Variants in NCKAP5 observed in about 807,000 individuals in gnomAD.
NCKAP5 encodes nck-associated protein 5.
In NCKAP5, 92 loss-of-function variants were observed where a neutral mutation model predicts 167.0. That is an observed-to-expected ratio of 0.55 (90% CI 0.47 to 0.66). The LOEUF (loss-of-function observed/expected upper bound fraction) is 0.66, where lower values mean the gene tolerates loss of function less well. NCKAP5 is among the 30% of genes least tolerant of loss of function. The pLI is 0.00. For synonymous variants in NCKAP5, 891 were observed against 877.4 expected (o/e 1.02, Z -0.27); for missense variants, 2,378 against 2,315.0 (o/e 1.03, Z -0.56).
intron 12 of NCKAP5, among the ~76,000 whole-genome samples, chr2:132,794,259 TATATAGAGAGAGAGAGAGAGAGAG>T (rs1163348300): frequency 3.2e-5 from 1 of 31,702 alleles, no homozygotes; most frequent in African/African-American, 1.1e-4. Flanking sequence ...TATATATATA[TATATAGAGAGAGAGAGAGAGAGAG>T]AGAGAGAGAG....
chr2:133,146,401 C>A lies in NCKAP5; in HGVS notation c.208-16290G>T, dbSNP rs577532981. On this transcript the variant is annotated intron_variant, in intron 5 of 19. Transcript: ENST00000409261. ...GATGACTTTGTGTTTCATGCGACTACCATTCTAGATCAATTTTAAAAAGCA... is the reference window on the plus strand; with the variant it reads ...GATGACTTTGTGTTTCATGCGACTAACATTCTAGATCAATTTTAAAAAGCA... Among the ~76,000 whole-genome samples, 6 of 152,126 alleles carry A rather than the reference C, an allele frequency of 3.9e-5. No homozygotes were observed. The South Asian group carries it at 1.2e-3, about 32-fold the overall frequency.
intron 5 of NCKAP5, among the ~76,000 whole-genome samples, chr2:133,137,744 T>G (rs994268915): frequency 6.6e-6 from 1 of 152,124 alleles, no homozygotes; most frequent in Non-Finnish European, 1.5e-5. Context: ...AAAAGCAAGA[T>G]AAAATGAAGG....
chr2:133,162,029 T>C (rs549992116), intron 5 of NCKAP5, among the ~76,000 whole-genome samples: 2 of 152,324 alleles, frequency 1.3e-5, no homozygotes, highest in Admixed American at 6.5e-5. Flanking sequence ...CAAGGAACTA[T>C]TTAAAGCAGA....
intron 3 of NCKAP5, among the ~76,000 whole-genome samples, chr2:133,457,944 G>T (rs769478861): frequency 6.6e-6 from 1 of 152,106 alleles, no homozygotes; most frequent in Non-Finnish European, 1.5e-5. Context: ...AAGTGTGTAC[G>T]CCCTTTCCCA....
At chr2:133,017,272 A>G (rs2078371189) in intron 6 of NCKAP5, among the ~76,000 whole-genome samples, 1 of 152,206 alleles carries the variant, frequency 6.6e-6, no homozygotes, top group South Asian at 2.1e-4. Flanking sequence ...TCCACCTTCG[A>G]GGCATTTATG....
In NCKAP5 at chr2:132,895,724, G is replaced by A. The variant is rs144398309; in HGVS notation, c.580-16808C>T. ...CAACACTACAAAAGAGACATCTGTT[G>A]CTAGCCCCATTTTACAGATGTGCAG... is the stretch of plus-strand genomic sequence containing the variant. On this transcript the variant is annotated intron_variant, in intron 8 of 19. Coordinates refer to ENST00000409261, the MANE Select transcript of NCKAP5 (RefSeq NM_207363.3). 3.1e-3 allele frequency among the ~76,000 whole-genome samples: 459 copies of A among 148,676 alleles called. 1 individual carries two copies. The highest frequency in any genetic ancestry group is 4.5e-3 in the Non-Finnish European group (306 of 67,550).
the NCKAP5 span, among the ~76,000 whole-genome samples, chr2:133,598,781 T>G: frequency 3.7e-3 from 566 of 152,278 alleles, 4 homozygotes; most frequent in African/African-American, 0.013. Context: ...CCATTACAAA[T>G]GACCACAGAC....
intron 2 of NCKAP5, among the ~76,000 whole-genome samples, chr2:133,523,302 A>T (rs1684624120): frequency 8.5e-6 from 1 of 117,708 alleles, no homozygotes; most frequent in African/African-American, 4.2e-5. Flanking sequence ...ACACACAGTC[A>T]CACACACACA....
At chr2:133,601,737 T>C in the NCKAP5 span, among the ~76,000 whole-genome samples, 1 of 151,946 alleles carries the variant, frequency 6.6e-6, no homozygotes, top group Non-Finnish European at 1.5e-5. Flanking sequence ...AATAAATAAA[T>C]AAATAAATAA....
chr2:132,843,565 T>TC (rs894617668), intron 11 of NCKAP5, among the ~76,000 whole-genome samples: 1 of 86,272 alleles, frequency 1.2e-5, no homozygotes, highest in Non-Finnish European at 2.1e-5. Context: ...CATTCATTTT[T>TC]CCCTTTTTTG....
At chr2:133,565,885 A>G (rs536925780) in intron 1 of NCKAP5, among the ~76,000 whole-genome samples, 11 of 152,312 alleles carry the variant, frequency 7.2e-5, no homozygotes, top group African/African-American at 2.6e-4. Flanking sequence ...TTGAATAACT[A>G]CTCTGTGCTT....
chr2:132,982,851 CT>C (rs1157133789), intron 7 of NCKAP5, among the ~76,000 whole-genome samples: 1 of 152,158 alleles, frequency 6.6e-6, no homozygotes, highest in East Asian at 1.9e-4. Flanking sequence ...TGATTTCTTT[CT>C]TTTTTATGGC....
At chr2:132,720,274 A>G (rs549141308) in intron 19 of NCKAP5, among the ~76,000 whole-genome samples, 33 of 152,168 alleles carry the variant, frequency 2.2e-4, no homozygotes, top group Non-Finnish European at 4.7e-4. Flanking sequence ...TCTGTCTACT[A>G]CTTCACCCAC....
chr2:133,319,093 A>G (rs1029363823), intron 3 of NCKAP5, among the ~76,000 whole-genome samples: 7 of 152,062 alleles, frequency 4.6e-5, no homozygotes, highest in Non-Finnish European at 1.0e-4. Context: ...CGACTCTTCA[A>G]TAGTCAAATT....
intron 4 of NCKAP5, among the ~76,000 whole-genome samples, chr2:133,241,294 T>A (rs763654726): frequency 1.4e-4 from 22 of 152,218 alleles, no homozygotes; most frequent in African/African-American, 4.8e-4. Context: ...TCATCAGTAA[T>A]AAATACAAAT....
chr2:133,595,634 C>A, the NCKAP5 span, among the ~76,000 whole-genome samples: 1 of 151,886 alleles, frequency 6.6e-6, no homozygotes, highest in African/African-American at 2.4e-5. Flanking sequence ...GGGAGGGTTT[C>A]AAGCAGAAGG....
intron 8 of NCKAP5, among the ~76,000 whole-genome samples, chr2:132,900,662 A>G (rs1693550347): frequency 6.6e-6 from 1 of 152,148 alleles, no homozygotes; most frequent in African/African-American, 2.4e-5. Flanking sequence ...TATGAAAACT[A>G]CTGTTATTAA....
intron 5 of NCKAP5, among the ~76,000 whole-genome samples, chr2:133,132,516 C>CACACACAAAA (rs374197642): frequency 6.8e-6 from 1 of 146,406 alleles, no homozygotes; most frequent in African/African-American, 2.6e-5. Flanking sequence ...CACACACACA[C>CACACACAAAA]AAACCCTGAT....
chr2:133,321,176 T>C (rs986025371), intron 3 of NCKAP5, among the ~76,000 whole-genome samples: 3 of 152,136 alleles, frequency 2.0e-5, no homozygotes, highest in Non-Finnish European at 4.4e-5. Flanking sequence ...AAAGGGTTCC[T>C]TCTGTCACCT....
Sources: allele counts gnomAD v4.1 joint callset (sites outside exome capture counted in the v4.1 genomes callset), GRCh38; gene constraint gnomAD v4.1.1; transcripts MANE v1.5; gene names NCBI Gene and HGNC (gene_info 2026-07-23, HGNC 2026-07-21).